The following MALT1 variants were observed in gnomAD, a reference collection of about 807,000 sequenced individuals.
MALT1 encodes the protein mucosa-associated lymphoid tissue lymphoma translocation protein 1.
In MALT1, 36 loss-of-function variants were observed where a neutral mutation model predicts 85.5. The ratio of observed to expected loss-of-function variants is 0.42; its 90% CI spans 0.32 to 0.56. The LOEUF (loss-of-function observed/expected upper bound fraction) is 0.56, where lower values mean the gene tolerates loss of function less well. Among genes scored for constraint, MALT1 ranks in the 20% least tolerant of loss-of-function variants. The probability of loss-of-function intolerance (pLI) is 0.10; values close to 1 mark genes in which losing one functional copy is unlikely to be tolerated. For synonymous variants in MALT1, 359 were observed against 361.3 expected, an observed-to-expected ratio of 0.99 and a Z score of 0.07; for missense variants, 716 against 981.6, an observed-to-expected ratio of 0.73 and a Z score of 3.62.
chr18:58,677,881 T>TA (rs1344595841), intron 1 of MALT1, among the ~76,000 whole-genome samples: 1 of 152,160 alleles, frequency 6.6e-6, no homozygotes, highest in Non-Finnish European at 1.5e-5. Flanking sequence ...CAGGAGGCCT[T>TA]AGAGGACATT....
chr18:58,713,047 G>A (rs982875529), intron 7 of MALT1, among the ~76,000 whole-genome samples: 1 of 152,098 alleles, frequency 6.6e-6, no homozygotes, highest in Non-Finnish European at 1.5e-5. Context: ...AGAGTACAGT[G>A]CTACTGACCT....
At chr18:58,739,592 T>C (rs1044166961) in intron 13 of MALT1, among the ~76,000 whole-genome samples, 3 of 152,212 alleles carry the variant, frequency 2.0e-5, no homozygotes, top group African/African-American at 7.2e-5. Context: ...ATAATGTGAA[T>C]GGGCCTCATT....
At position 58,751,690 on chromosome 18, in the gene MALT1, T is replaced by C. The variant is rs2055448949; in HGVS notation, c.*3848T>C. The stretch of plus-strand genomic sequence containing the variant: ...AAAAGATGATAATCTATCAAATCTG[T>C]CAATACCAATTAGAATGTAATAAAG... On this transcript the variant is annotated 3_prime_UTR_variant, in exon 17 of 17. Coordinates refer to ENST00000649217, the MANE Select transcript of MALT1 (RefSeq NM_006785.4). 1 of 152,188 alleles carries C rather than the reference T, an allele frequency of 6.6e-6. No individual in the cohort carries two copies. The highest frequency in any genetic ancestry group is 2.4e-5 in the African/African-American group (1 of 41,440). 9.4% of individuals were successfully genotyped at this position (152,188 alleles called of 1,614,324 possible). A position where few individuals can be genotyped will look rare whatever the true frequency, so the allele number is the denominator to read the frequency against.
intron 13 of MALT1, 86 bp downstream of exon 13, chr18:58,735,415 T>C (rs2055210082): frequency 1.4e-6 from 2 of 1,409,216 alleles, no homozygotes; most frequent in South Asian, 1.4e-5. Context: ...CTGGTGATTG[T>C]TTTATTCTTA....
chr18:58,713,409 C>T (rs2054858988), intron 7 of MALT1, among the ~76,000 whole-genome samples: 1 of 152,040 alleles, frequency 6.6e-6, no homozygotes, highest in Admixed American at 6.6e-5. Flanking sequence ...ATGAGAAAAA[C>T]ATCAAATCTC....
At chr18:58,718,023 C>G (rs531720209) in intron 9 of MALT1, among the ~76,000 whole-genome samples, 3 of 152,124 alleles carry the variant, frequency 2.0e-5, no homozygotes, top group Non-Finnish European at 4.4e-5. Context: ...AATAGTAATG[C>G]TAATAAACTA....
At chr18:58,725,832 G>C (rs112709726) in intron 10 of MALT1, among the ~76,000 whole-genome samples, 2 of 152,018 alleles carry the variant, frequency 1.3e-5, no homozygotes, top group Non-Finnish European at 2.9e-5. Flanking sequence ...AGGCCAAGGC[G>C]GGCAGATCAC....
rs2055482509 is a variant in MALT1, at chr18:58,754,194, A to G, written c.*6352A>G. On this transcript the variant is annotated 3_prime_UTR_variant, in exon 17 of 17. Transcript: ENST00000649217. ...CCAGGATGATTCAGACCCAGACCAGAGCCGGGTGTTTTGTCCACAGTACTG... is the reference window on the plus strand; with the variant it reads ...CCAGGATGATTCAGACCCAGACCAGGGCCGGGTGTTTTGTCCACAGTACTG... The G allele has an allele frequency of 6.6e-6, 1 of 152,218 alleles. No homozygotes were observed. Among genetic ancestry groups the G allele is most frequent in the South Asian group, 2.1e-4 (1 of 4,828 alleles). The allele number at this position is 152,218 out of a possible 1,614,324, so 9.4% of individuals were successfully genotyped here.
At chr18:58,721,611 T>TA (rs1165543356) in intron 9 of MALT1, among the ~76,000 whole-genome samples, 3 of 152,212 alleles carry the variant, frequency 2.0e-5, no homozygotes, top group Admixed American at 1.3e-4. Context: ...GAGTTTTTTT[T>TA]ATCCTTTGAG....
At chr18:58,727,277 GTT>G (rs72214619) in intron 10 of MALT1, among the ~76,000 whole-genome samples, 1 of 148,254 alleles carries the variant, frequency 6.7e-6, no homozygotes, top group Admixed American at 6.7e-5. Context: ...GGTTTTTTGG[GTT>G]TTTTTTTTGG....
At chr18:58,733,615 A>G (rs2055184542) in intron 11 of MALT1, 41 bp downstream of exon 11, 2 of 1,433,196 alleles carry the variant, frequency 1.4e-6, no homozygotes, top group Non-Finnish European at 1.9e-6. Flanking sequence ...TTGGAGTTAA[A>G]TATCGACCAT....
chr18:58,745,691 C>G lies in MALT1; in HGVS notation c.1937C>G (p.Ala646Gly). Residue 646 changes from alanine (A) to glycine (G), a missense_variant, in exon 16 of 17, where the codon GCA becomes GGA. Physicochemically the swap from Ala to Gly is moderately conservative, Grantham distance 60. Coordinates refer to ENST00000649217, the MANE Select transcript of MALT1 (RefSeq NM_006785.4). ...GATCTAGATATTGATCCAAAAGATG[C>G]AAATAAAGGCACACCTGAAGAAACT... is the stretch of plus-strand genomic sequence containing the variant. ...PLDLDIDPKD[A>G]NKGTPEETGS... 6.2e-7 allele frequency: 1 copy of G among 1,612,932 alleles called. No individual in the cohort carries two copies. Among genetic ancestry groups the G allele is most frequent in the African/African-American group, 1.3e-5 (1 of 74,912 alleles).
chr18:58,741,067 CT>C (rs1396846671), intron 13 of MALT1, among the ~76,000 whole-genome samples: 1 of 152,124 alleles, frequency 6.6e-6, no homozygotes, highest in African/African-American at 2.4e-5. Flanking sequence ...ATTTTTTACA[CT>C]TTTACTTTCC....
Position 58,696,363 on chromosome 18 carries a change from T to G in MALT1, c.377-3T>G. Reference sequence around the variant, plus strand: ...TTTTTTTTTTTTTTTTTTTTTTTTTTAGGAATAAAGATTACTGTAAACCCA... The same window carrying G: ...TTTTTTTTTTTTTTTTTTTTTTTTTGAGGAATAAAGATTACTGTAAACCCA... On this transcript the variant is annotated splice_polypyrimidine_tract_variant and splice_region_variant and intron_variant, in intron 2 of 16. Transcript: ENST00000649217. The G allele has an allele frequency of 7.3e-7, 1 of 1,373,300 alleles. No homozygotes were observed. The allele number at this position is 1,373,300 out of a possible 1,614,324, so 85.1% of individuals were successfully genotyped here. A position where few individuals can be genotyped will look rare whatever the true frequency, so the allele number is the denominator to read the frequency against.
intron 3 of MALT1, 86 bp from the exon 4 acceptor site, chr18:58,700,355 A>G (rs956448946): frequency 1.9e-6 from 2 of 1,075,058 alleles, no homozygotes; most frequent in Non-Finnish European, 2.6e-6. Flanking sequence ...TCAAAGCTTC[A>G]TACTGAAATC....
At chr18:58,691,296 C>T in intron 2 of MALT1, 2 of 643,030 alleles carry the variant, frequency 3.1e-6, no homozygotes. Context: ...AGCCGATTTG[C>T]AACCACATAG....
At chr18:58,683,620 T>C (rs2054354877) in intron 2 of MALT1, among the ~76,000 whole-genome samples, 1 of 152,258 alleles carries the variant, frequency 6.6e-6, no homozygotes, top group Non-Finnish European at 1.5e-5. Context: ...CAATATTTTA[T>C]ATTTTTATTT....
At chr18:58,728,461 C>T (rs1407217257) in intron 10 of MALT1, among the ~76,000 whole-genome samples, 3 of 151,848 alleles carry the variant, frequency 2.0e-5, no homozygotes, top group Admixed American at 2.0e-4. Flanking sequence ...AAAAATTAGC[C>T]AGGCATGGTG....
At chr18:58,734,452 A>ACCCCT in intron 12 of MALT1, 71 bp downstream of exon 12, 2 of 1,216,940 alleles carry the variant, frequency 1.6e-6, no homozygotes, top group Non-Finnish European at 1.2e-6. Flanking sequence ...GCTTTTTAGG[A>ACCCCT]GCAGGGGTCT....
Sources: gnomAD v4.1 joint callset for allele counts (sites outside exome capture counted in the v4.1 genomes callset) on GRCh38, gnomAD v4.1.1 for gene constraint, MANE v1.5 for transcripts, NCBI Gene and HGNC (gene_info 2026-07-23, HGNC 2026-07-21) for gene names.